LARGE1: variants seen among roughly 807,000 people sequenced by gnomAD.
LARGE1 encodes LARGE xylosyl- and glucuronyltransferase 1.
In LARGE1, 43 loss-of-function variants were observed where a neutral mutation model predicts 87.6. The ratio of observed to expected loss-of-function variants is 0.49; its 90% CI spans 0.38 to 0.63. LARGE1 has a LOEUF of 0.63. Ranked by LOEUF, LARGE1 falls within the 30% of genes least tolerant of loss-of-function variation. The pLI is 0.00. For missense variants in LARGE1, 802 were observed against 1,000.2 expected (o/e 0.80, Z 2.67); for synonymous variants, 434 against 394.6 (o/e 1.10, Z -1.18).
intron 7 of LARGE1, among the ~76,000 whole-genome samples, chr22:33,394,207 T>C (rs1601687997): frequency 1.3e-5 from 2 of 150,806 alleles, no homozygotes; most frequent in African/African-American, 4.9e-5. Flanking sequence ...TCTTTTTTTT[T>C]TTTTTTTTTG....
chr22:33,552,524 T>G lies in LARGE1; in HGVS notation c.787+12324A>C, dbSNP rs531402145. ...GGACCCTGTGGTCAAACAATAAAAG[T>G]TGATCAAGGAAGAGTCTGCTAAGAC... On this transcript the variant is annotated intron_variant, in intron 6 of 14. Transcript: ENST00000397394. Among the ~76,000 whole-genome samples, 13 of 151,734 alleles carry G rather than the reference T, an allele frequency of 8.6e-5. No individual in the cohort carries two copies. The South Asian group carries it at 2.5e-3, about 29-fold the overall frequency.
the LARGE1 span, among the ~76,000 whole-genome samples, chr22:33,119,001 A>C: frequency 7.2e-5 from 11 of 152,364 alleles, no homozygotes; most frequent in African/African-American, 2.4e-4. Flanking sequence ...AAAGTTAACA[A>C]GGGACTTCCA....
At chr22:33,075,824 A>G in the LARGE1 span, among the ~76,000 whole-genome samples, 1 of 152,208 alleles carries the variant, frequency 6.6e-6, no homozygotes, top group Non-Finnish European at 1.5e-5. Flanking sequence ...TTAGAGAAAC[A>G]TAACAAATGG....
intron 2 of LARGE1, among the ~76,000 whole-genome samples, chr22:33,663,301 C>T (rs1458130022): frequency 1.3e-5 from 2 of 152,130 alleles, no homozygotes; most frequent in Non-Finnish European, 2.9e-5. Flanking sequence ...AGGTCAAAAC[C>T]CGCCATCTCT....
chr22:33,383,766 A>T (rs190393831), intron 8 of LARGE1, among the ~76,000 whole-genome samples: 1 of 152,308 alleles, frequency 6.6e-6, no homozygotes, highest in East Asian at 1.9e-4. Flanking sequence ...CAGGGAGGCC[A>T]GTGAAACCTT....
At chr22:33,718,992 T>A (rs775934865) in intron 2 of LARGE1, among the ~76,000 whole-genome samples, 1 of 152,268 alleles carries the variant, frequency 6.6e-6, no homozygotes, top group South Asian at 2.1e-4. Context: ...TTTCACCATG[T>A]TGGCCAGGCT....
At chr22:33,293,265 C>T (rs1317547767) in intron 12 of LARGE1, among the ~76,000 whole-genome samples, 1 of 152,186 alleles carries the variant, frequency 6.6e-6, no homozygotes, top group Non-Finnish European at 1.5e-5. Flanking sequence ...ATAATAAATG[C>T]TTACATGCAT....
intron 2 of LARGE1, among the ~76,000 whole-genome samples, chr22:33,734,706 G>A (rs1452640307): frequency 2.9e-4 from 44 of 152,048 alleles, no homozygotes; most frequent in Admixed American, 2.8e-3. Context: ...AATAATCCTG[G>A]CCTCAGCTCT....
chr22:33,228,991 C>T lies in LARGE1; in HGVS notation c.1731-62159G>A, dbSNP rs374042143. ...AAGGAGATAATATTTAATTATCCAG[C>T]TCAAGGAAGTTTGTATCTAACTGTA... On this transcript the variant is annotated intron_variant, in intron 11 of 11. Coordinates refer to the LARGE1 transcript ENST00000608642. Among the ~76,000 whole-genome samples the T allele has an allele frequency of 5.2e-4, 79 of 152,242 alleles. No homozygotes were observed. In the East Asian group the frequency reaches 7.9e-3, roughly 15 times the overall value.
chr22:33,669,827 C>T (rs1276848788), intron 2 of LARGE1, among the ~76,000 whole-genome samples: 1 of 152,242 alleles, frequency 6.6e-6, no homozygotes, highest in East Asian at 1.9e-4. Flanking sequence ...ACATTTGAAG[C>T]AAGTTATACC....
At chr22:33,632,294 T>A (rs1440541885) in intron 3 of LARGE1, among the ~76,000 whole-genome samples, 1 of 152,122 alleles carries the variant, frequency 6.6e-6, no homozygotes, top group East Asian at 1.9e-4. Context: ...CAGCTAATAT[T>A]TGTATTTTTA....
At chr22:33,225,803 CAT>C (rs1438895130) in intron 11 of LARGE1, among the ~76,000 whole-genome samples, 1 of 152,166 alleles carries the variant, frequency 6.6e-6, no homozygotes, top group Non-Finnish European at 1.5e-5. Flanking sequence ...TAAATGATAA[CAT>C]GTGGTATTCT....
intron 2 of LARGE1, among the ~76,000 whole-genome samples, chr22:33,734,677 G>A (rs751119311): frequency 6.6e-6 from 1 of 152,094 alleles, no homozygotes; most frequent in Non-Finnish European, 1.5e-5. Context: ...GGAGTTTGGG[G>A]TTCATGCTTC....
At chr22:33,532,856 T>A (rs1425860743) in intron 6 of LARGE1, among the ~76,000 whole-genome samples, 2 of 152,182 alleles carry the variant, frequency 1.3e-5, no homozygotes, top group African/African-American at 4.8e-5. Context: ...TGCTCATCGA[T>A]GATGTCCAGT....
intron 1 of LARGE1, among the ~76,000 whole-genome samples, chr22:33,833,660 A>G (rs891913849): frequency 5.3e-5 from 8 of 152,186 alleles, no homozygotes; most frequent in African/African-American, 1.9e-4. Flanking sequence ...GTCTTTGTGC[A>G]CAATTATTGT....
chr22:33,588,208 C>T (rs1395124016), intron 5 of LARGE1, among the ~76,000 whole-genome samples: 1 of 152,226 alleles, frequency 6.6e-6, no homozygotes, highest in Non-Finnish European at 1.5e-5. Flanking sequence ...AGGCTCCACA[C>T]TGCAGTGGCA....
chr22:33,891,279 A>C (rs1426028821), intron 1 of LARGE1, among the ~76,000 whole-genome samples: 1 of 152,236 alleles, frequency 6.6e-6, no homozygotes, highest in Non-Finnish European at 1.5e-5. Flanking sequence ...TTTGTTTTAT[A>C]TGAATTAGTC....
At chr22:33,516,560 G>A (rs2071313229) in intron 6 of LARGE1, among the ~76,000 whole-genome samples, 1 of 151,926 alleles carries the variant, frequency 6.6e-6, no homozygotes, top group South Asian at 2.1e-4. Flanking sequence ...AAGATGATGG[G>A]GTGGAAGCCT....
intron 10 of LARGE1, among the ~76,000 whole-genome samples, chr22:33,333,777 C>T (rs5998876): frequency 0.45 from 67,669 of 151,982 alleles, 16,684 homozygotes; most frequent in African/African-American, 0.68. Context: ...ATGTAGGAAA[C>T]GAACATATGA....
Sources: allele counts gnomAD v4.1 joint callset (sites outside exome capture counted in the v4.1 genomes callset), GRCh38; gene constraint gnomAD v4.1.1; transcripts MANE v1.5; gene names NCBI Gene and HGNC (gene_info 2026-07-23, HGNC 2026-07-21).